The following RARS2 variants were observed in gnomAD, a reference collection of about 807,000 sequenced individuals.
The protein encoded by RARS2 is arginyl-tRNA synthetase 2, mitochondrial.
A neutral mutation model predicts 88.5 loss-of-function variants in RARS2; 67 were observed. That is an observed-to-expected ratio of 0.76 (90% CI 0.62 to 0.93). The LOEUF is 0.93. RARS2 is among the 40% of genes least tolerant of loss of function. The pLI is 0.00. For synonymous variants in RARS2, 239 were observed against 230.3 expected (o/e 1.04, Z -0.34); for missense variants, 664 against 684.2 (o/e 0.97, Z 0.33).
intron 1 of RARS2, among the ~76,000 whole-genome samples, chr6:87,582,555 TTTTG>T (rs1319403570): frequency 6.6e-5 from 10 of 152,332 alleles, no homozygotes; most frequent in African/African-American, 2.4e-4. Flanking sequence ...ATGATAGTTT[TTTTG>T]TTTGTTTTTT....
intron 10 of RARS2, among the ~76,000 whole-genome samples, chr6:87,528,154 A>T (rs1427341194): frequency 6.6e-6 from 1 of 152,082 alleles, no homozygotes; most frequent in Non-Finnish European, 1.5e-5. Flanking sequence ...AAAGGTGCTG[A>T]ACATCACTAA....
At chr6:87,563,772 T>C (rs1038021697) in intron 3 of RARS2, among the ~76,000 whole-genome samples, 7 of 152,232 alleles carry the variant, frequency 4.6e-5, no homozygotes, top group African/African-American at 7.2e-5. Flanking sequence ...TCAATGTTCA[T>C]CTTTTCAGAA....
chr6:87,518,191 A>C lies in RARS2; in HGVS notation c.1489T>G (p.Ser497Ala). The C allele has an allele frequency of 6.2e-7, 1 of 1,614,218 alleles. No individual in the cohort carries two copies. The highest frequency in any genetic ancestry group is 8.5e-7 in the Non-Finnish European group (1 of 1,180,026). The change falls in exon 17 of 20, where the codon TCA becomes GCA. Residue 497 changes from serine (S) to alanine (A), a missense_variant. Transcript: ENST00000369536. ...TACCTGAGAAGATGCTGAAGAATTG[A>C]AACAGACTGTGGCTCTTGTAAACAA... ...TACLQEPQSV[S>A]ILQHLLRFDE...
At chr6:87,572,541 C>T (rs1173590777) in intron 1 of RARS2, among the ~76,000 whole-genome samples, 1 of 152,108 alleles carries the variant, frequency 6.6e-6, no homozygotes, top group East Asian at 1.9e-4. Flanking sequence ...CTAAAAGCTA[C>T]TTAATAATTT....
At position 87,529,553 on chromosome 6, in the gene RARS2, T is replaced by C. The variant is rs1269953370; in HGVS notation, c.867A>G (p.Leu289=). ...VLKLLESKGL[L]LKTIKGTAVV... is the part of the protein sequence containing the mutation. The stretch of plus-strand genomic sequence containing the variant: ...TAACCTGATCATACATTGTTTTCAG[T>C]AGGAGTCCTTTACTCTCCAGCAACT... Residue 289 remains leucine, a synonymous_variant, in exon 10 of 20, where the codon CTA becomes CTG. Coordinates refer to ENST00000369536, the MANE Select transcript of RARS2 (RefSeq NM_020320.5). The C allele has an allele frequency of 1.3e-6, 2 of 1,568,840 alleles. No homozygotes were observed. Among genetic ancestry groups the C allele is most frequent in the South Asian group, 1.1e-5 (1 of 90,116 alleles).
chr6:87,518,932 CTG>C, intron 14 of RARS2, 41 bp from the exon 15 acceptor site: 1 of 1,585,788 alleles, frequency 6.3e-7, no homozygotes, highest in Non-Finnish European at 8.7e-7. Context: ...CTACATGACA[CTG>C]TGCCAATCAT....
chr6:87,548,544 C>A (rs755465662), intron 6 of RARS2, 47 bp downstream of exon 6: 12 of 1,559,386 alleles, frequency 7.7e-6, no homozygotes, highest in Admixed American at 1.7e-5. Context: ...CTATCAAATA[C>A]TTCCTCAAAG....
intron 5 of RARS2, among the ~76,000 whole-genome samples, chr6:87,552,193 G>T (rs182606751): frequency 1.3e-5 from 2 of 152,272 alleles, no homozygotes; most frequent in East Asian, 3.9e-4. Context: ...AAAGTTTCTT[G>T]AGCACAGTGG....
rs762150187 is a variant in RARS2, at chr6:87,516,801, A to G, written c.1586+5T>C. 1 of 1,613,308 alleles carries G rather than the reference A, an allele frequency of 6.2e-7. No homozygotes were observed. The highest frequency in any genetic ancestry group is 8.5e-7 in the Non-Finnish European group (1 of 1,179,584). On this transcript the variant is annotated splice_donor_5th_base_variant and intron_variant, in intron 18 of 19. Transcript: ENST00000369536. ...ACACCTGAAAACAGGAAGATTATAA[A>G]GTACCTTAAAGTTAGAAGGTAACTG...
intron 16 of RARS2, 155 bp downstream of exon 16, chr6:87,518,475 A>G: frequency 9.3e-7 from 1 of 1,079,770 alleles, no homozygotes; most frequent in East Asian, 3.4e-5. Context: ...TGCTCAATAA[A>G]TTTTTTTTTT....
intron 8 of RARS2, among the ~76,000 whole-genome samples, chr6:87,539,002 C>A (rs988403489): frequency 1.3e-5 from 2 of 151,136 alleles, no homozygotes; most frequent in Admixed American, 6.6e-5. Context: ...CCACTATATT[C>A]CAGGCTGGGC....
chr6:87,562,586 T>C, intron 4 of RARS2, 116 bp downstream of exon 4: 1 of 748,602 alleles, frequency 1.3e-6, no homozygotes, highest in Non-Finnish European at 2.4e-6. Flanking sequence ...TGGATCAGTA[T>C]GTGCAAAGGT....
intron 1 of RARS2, among the ~76,000 whole-genome samples, chr6:87,580,975 A>T: frequency 6.6e-6 from 1 of 152,182 alleles, no homozygotes; most frequent in East Asian, 1.9e-4. Flanking sequence ...ATTCTAATAT[A>T]ATAGAATCTT....
chr6:87,528,460 C>T (rs1389866268), intron 10 of RARS2, among the ~76,000 whole-genome samples: 1 of 152,094 alleles, frequency 6.6e-6, no homozygotes, highest in African/African-American at 2.4e-5. Flanking sequence ...GAAATCTGCC[C>T]TACCATGGTT....
At position 87,530,846 on chromosome 6, in the gene RARS2, C is replaced by T. The variant is rs771897965; in HGVS notation, c.709G>A (p.Ala237Thr). 102 of 1,614,194 alleles carry T rather than the reference C, an allele frequency of 6.3e-5. No individual in the cohort carries two copies. Among genetic ancestry groups the T allele is most frequent in the Non-Finnish European group, 8.6e-5 (102 of 1,180,030 alleles). ...FQRLELGDVQ[A>T]LSLWQKFRDL... Reference sequence around the variant, plus strand: ...CGAAATTTTTGCCACAGTGAAAGTGCTTGCACATCGCCCAGTTCCAATCGT... The same window carrying T: ...CGAAATTTTTGCCACAGTGAAAGTGTTTGCACATCGCCCAGTTCCAATCGT... Residue 237 changes from alanine to threonine, a missense_variant, in exon 9 of 20, where the codon GCA becomes ACA. Ala to Thr is a moderately conservative substitution (Grantham distance 58). Transcript: ENST00000369536.
At chr6:87,521,371 T>C (rs1773779519) in intron 12 of RARS2, 93 bp downstream of exon 12, 1 of 957,664 alleles carries the variant, frequency 1.0e-6, no homozygotes, top group Admixed American at 1.9e-5. Flanking sequence ...CTTCTCTCTG[T>C]AGTTTTCCAT....
chr6:87,557,577 T>A (rs957603591), intron 4 of RARS2, among the ~76,000 whole-genome samples: 3 of 152,214 alleles, frequency 2.0e-5, no homozygotes, highest in Admixed American at 6.5e-5. Flanking sequence ...TAATAATTTT[T>A]AAAAAATTGA....
chr6:87,518,403 A>G, intron 16 of RARS2, 139 bp from the exon 17 acceptor site: 2 of 1,519,562 alleles, frequency 1.3e-6, no homozygotes, highest in Non-Finnish European at 1.8e-6. Context: ...GTAACAGTAT[A>G]TTTTTCGACA....
At chr6:87,571,751 A>T (rs577409753) in intron 1 of RARS2, among the ~76,000 whole-genome samples, 14 of 152,368 alleles carry the variant, frequency 9.2e-5, no homozygotes, top group Admixed American at 9.1e-4. Context: ...TTGTCAACAG[A>T]AGTTATTTGT....
Sources: allele counts gnomAD v4.1 joint callset (sites outside exome capture counted in the v4.1 genomes callset), GRCh38; gene constraint gnomAD v4.1.1; transcripts MANE v1.5; gene names NCBI Gene and HGNC (gene_info 2026-07-23, HGNC 2026-07-21).